PHYHD1: variants seen among roughly 807,000 people sequenced by gnomAD.
PHYHD1 encodes the protein phytanoyl-CoA dioxygenase domain-containing protein 1.
Under a neutral mutation model 43.6 loss-of-function variants are expected in PHYHD1, and 42 were observed. The observed-to-expected ratio is 0.96, with a 90% confidence interval of 0.75 to 1.25. The LOEUF (loss-of-function observed/expected upper bound fraction) is 1.25, where lower values mean the gene tolerates loss of function less well. PHYHD1 is among the 50% of genes most tolerant of loss of function. The pLI is 0.00. For synonymous variants in PHYHD1, 139 were observed against 143.6 expected (o/e 0.97, Z 0.23); for missense variants, 342 against 370.8 (o/e 0.92, Z 0.64).
At chr9:128,938,611 C>T (rs1427666603) in intron 9 of PHYHD1, among the ~76,000 whole-genome samples, 3 of 151,562 alleles carry the variant, frequency 2.0e-5, no homozygotes, top group South Asian at 2.1e-4. Context: ...TTAGTAGAGA[C>T]GGGGTTCCAC....
Position 128,927,061 on chromosome 9 carries a change from G to A in PHYHD1, c.57G>A (p.Val19=). The A allele has an allele frequency of 6.2e-7, 1 of 1,614,182 alleles. No homozygotes were observed. Among genetic ancestry groups the A allele is most frequent in the South Asian group, 1.1e-5 (1 of 91,078 alleles). The change falls in exon 4 of 13, where the codon GTG becomes GTA. Residue 19 remains valine, a synonymous_variant. Coordinates refer to ENST00000372592, the MANE Select transcript of PHYHD1 (RefSeq NM_001100876.2). The part of the protein sequence containing the change: ...LQKFQQDGFL[V]LEGFLSAEEC... ...AGTTCCAACAGGATGGATTCCTGGT[G>A]CTGGAAGGATTCTTGTCTGCGGAAG...
chr9:128,941,701 A>G lies in PHYHD1; in HGVS notation c.864A>G (p.Gln288=), dbSNP rs778370276. 18 of 1,613,978 alleles carry G rather than the reference A, an allele frequency of 1.1e-5. No homozygotes were observed. The highest frequency in any genetic ancestry group is 1.4e-5 in the Non-Finnish European group (17 of 1,179,958). Residue 288 remains glutamine (Q), a synonymous_variant, in exon 13 of 13, where the codon CAA becomes CAG. Coordinates refer to ENST00000372592, the MANE Select transcript of PHYHD1 (RefSeq NM_001100876.2). ...LQPTAELPFP[Q]LYT ...CAACAGCTGAACTGCCCTTTCCCCA[A>G]CTGTACACCTAAAGGCTCTCGCAGG...
At chr9:128,928,030 C>T (rs994701316) in intron 4 of PHYHD1, among the ~76,000 whole-genome samples, 1 of 152,214 alleles carries the variant, frequency 6.6e-6, no homozygotes, top group Non-Finnish European at 1.5e-5. Flanking sequence ...CTTGACCCTT[C>T]CTAGTCAGAG....
At chr9:128,933,919 A>T in intron 5 of PHYHD1, 62 bp downstream of exon 5, 1 of 1,605,226 alleles carries the variant, frequency 6.2e-7, no homozygotes, top group Non-Finnish European at 8.5e-7. Flanking sequence ...GGACCTGGGA[A>T]TCTGCCCCCT....
chr9:128,937,450 G>A (rs17432797), intron 8 of PHYHD1, among the ~76,000 whole-genome samples: 1 of 152,242 alleles, frequency 6.6e-6, no homozygotes, highest in Non-Finnish European at 1.5e-5. Flanking sequence ...TGACTCTGGG[G>A]CTGGAAGGCT....
At position 128,940,676 on chromosome 9, in the gene PHYHD1, C is replaced by T. The variant is rs10988159; in HGVS notation, c.664C>T (p.Arg222Trp). Residue 222 changes from arginine to tryptophan, a missense_variant, in exon 11 of 13, where the codon CGG becomes TGG. Transcript: ENST00000372592. ...CAGCTTCCTTGGGTCAGAGCCAGCC[C>T]GGGATAACAGCCTCTTTGTGCCCAC... Reference protein sequence around the residue: ...GTSFLGSEPARDNSLFVPTPV... With the variant: ...GTSFLGSEPAWDNSLFVPTPV... 3,903 of 1,613,934 alleles carry T rather than the reference C, an allele frequency of 2.4e-3. 59 individuals carry two copies. In the African/African-American group the frequency reaches 0.038, roughly 16 times the overall value.
Position 128,941,702 on chromosome 9 carries a change from C to A in PHYHD1, c.865C>A (p.Leu289Met), listed in dbSNP as rs752174038. ...AACAGCTGAACTGCCCTTTCCCCAA[C>A]TGTACACCTAAAGGCTCTCGCAGGG... ...QPTAELPFPQ[L>M]YT The change falls in exon 13 of 13, where the codon CTG becomes ATG. Residue 289 changes from leucine (L) to methionine (M), a missense_variant. Physicochemically the swap from Leu to Met is conservative, Grantham distance 15. Coordinates refer to ENST00000372592, the MANE Select transcript of PHYHD1 (RefSeq NM_001100876.2). 25 of 1,614,234 alleles carry A rather than the reference C, an allele frequency of 1.5e-5. No homozygotes were observed. Among genetic ancestry groups the A allele is most frequent in the South Asian group, 1.1e-4 (10 of 91,088 alleles).
In PHYHD1 at chr9:128,936,318, C is replaced by G. The variant is rs866188003; in HGVS notation, c.317-130C>G. The G allele has an allele frequency of 1.6e-4, 210 of 1,287,824 alleles. No homozygotes were observed. The Middle Eastern group carries it at 2.4e-3, about 14-fold the overall frequency. The allele number at this position is 1,287,824 out of a possible 1,614,324, so 79.8% of individuals were successfully genotyped here. On this transcript the variant is annotated intron_variant, in intron 6 of 12. Coordinates refer to ENST00000372592, the MANE Select transcript of PHYHD1 (RefSeq NM_001100876.2). ...GTGGAGCCCATTACTCAGTTGTAAA[C>G]AAGCAGAAGGGTTAATGCCTACAAA...
rs1475896721 is a variant in PHYHD1 at position 128,940,626 on chromosome 9, C to A, written c.614C>A (p.Ala205Asp). The change falls in exon 11 of 13, where the codon GCC becomes GAC. Residue 205 changes from alanine (A) to aspartate (D), a missense_variant. Coordinates refer to ENST00000372592, the MANE Select transcript of PHYHD1 (RefSeq NM_001100876.2). ...TSGVSRRMVR[A>D]PVGSAPGTSF... ...GGTGTGTCAAGAAGGATGGTCCGGG[C>A]CCCTGTTGGCTCAGCGCCTGGTACC... 6.2e-7 allele frequency: 1 copy of A among 1,614,018 alleles called. No homozygotes were observed. The highest frequency in any genetic ancestry group is 1.1e-5 in the South Asian group (1 of 91,090).
intron 4 of PHYHD1, among the ~76,000 whole-genome samples, chr9:128,932,175 A>AT (rs1164525938): frequency 0.097 from 10,133 of 104,588 alleles, 732 homozygotes; most frequent in Non-Finnish European, 0.13. Context: ...TATTGTTATT[A>AT]TTATTATTAT....
intron 4 of PHYHD1, among the ~76,000 whole-genome samples, 185 bp downstream of exon 4, chr9:128,927,381 T>A (rs1020019749): frequency 6.6e-6 from 1 of 151,986 alleles, no homozygotes; most frequent in Admixed American, 6.6e-5. Flanking sequence ...TTTTTTTTTT[T>A]CTTTTTTCTT....
In PHYHD1 at chr9:128,939,035, C is replaced by T. The variant is rs2131117995; in HGVS notation, c.457+1257C>T. 1.5e-5 allele frequency among the ~76,000 whole-genome samples: 2 copies of T among 131,902 alleles called. 1 individual carries two copies. The allele number at this position is 131,902 out of a possible 152,430, so 86.5% of individuals were successfully genotyped here. A position where few individuals can be genotyped will look rare whatever the true frequency, so the allele number is the denominator to read the frequency against. On this transcript the variant is annotated intron_variant, in intron 9 of 12. Coordinates refer to ENST00000372592, the MANE Select transcript of PHYHD1 (RefSeq NM_001100876.2). ...AGTTCCCCAAAGGGATGACCATCCCCACTCTCTGCCTGAGTCCAGTTCTCC... is the reference window on the plus strand; with the variant it reads ...AGTTCCCCAAAGGGATGACCATCCCTACTCTCTGCCTGAGTCCAGTTCTCC...
At chr9:128,940,027 G>T (rs556269637) in intron 9 of PHYHD1, among the ~76,000 whole-genome samples, 1 of 152,270 alleles carries the variant, frequency 6.6e-6, no homozygotes, top group Admixed American at 6.5e-5. Flanking sequence ...GTTAAGAAGG[G>T]TGGCTTGAGT....
intron 4 of PHYHD1, 91 bp from the exon 5 acceptor site, chr9:128,933,691 G>A: frequency 1.5e-6 from 2 of 1,363,626 alleles, no homozygotes; most frequent in African/African-American, 1.4e-5. Flanking sequence ...CCCTGTGAGG[G>A]TGGGAAGCTT....
In PHYHD1 at chr9:128,933,835, GA is replaced by G; in HGVS notation, c.249del (p.Gly84AlafsTer222). On this transcript the variant is annotated frameshift_variant, in exon 5 of 13. Coordinates refer to ENST00000372592, the MANE Select transcript of PHYHD1 (RefSeq NM_001100876.2). LOFTEE classifies it high-confidence loss of function. Reference sequence around the variant, plus strand: ...GTGACAAGATTCGATTCTTCTTTGAGAAAGGCGTTTTTGATGAGAAAGGTTT... The same window carrying G: ...GTGACAAGATTCGATTCTTCTTTGAGAAGGCGTTTTTGATGAGAAAGGTTT... ...SGDKIRFFFE[K>X]GVFDEKGNFL... 6.2e-7 allele frequency: 1 copy of G among 1,614,198 alleles called. No individual in the cohort carries two copies.
intron 4 of PHYHD1, among the ~76,000 whole-genome samples, chr9:128,928,885 C>T (rs1841203319): frequency 6.6e-6 from 1 of 152,066 alleles, no homozygotes; most frequent in African/African-American, 2.4e-5. Context: ...TCCAGCTTTC[C>T]TTGTTTGAGT....
At chr9:128,924,974 T>C (rs907746555) in intron 3 of PHYHD1, among the ~76,000 whole-genome samples, 9 of 152,144 alleles carry the variant, frequency 5.9e-5, no homozygotes, top group Non-Finnish European at 7.4e-5. Flanking sequence ...CCTAGCTGTA[T>C]TTGTGTATTT....
intron 9 of PHYHD1, among the ~76,000 whole-genome samples, chr9:128,938,429 G>GT (rs888787917): frequency 2.0e-4 from 31 of 151,300 alleles, no homozygotes; most frequent in East Asian, 7.8e-4. Context: ...TGTTTTTTGG[G>GT]TTTTTTTTTG....
At chr9:128,936,524 G>C in intron 7 of PHYHD1, 21 bp downstream of exon 7, 1 of 1,613,188 alleles carries the variant, frequency 6.2e-7, no homozygotes, top group Non-Finnish European at 8.5e-7. Flanking sequence ...GTGGGGGTGA[G>C]GGCCAGGAGG....
Sources: gnomAD v4.1 joint callset for allele counts (sites outside exome capture counted in the v4.1 genomes callset) on GRCh38, gnomAD v4.1.1 for gene constraint, MANE v1.5 for transcripts, NCBI Gene and HGNC (gene_info 2026-07-23, HGNC 2026-07-21) for gene names.